CENPU: variants seen among roughly 807,000 people sequenced by gnomAD.
CENPU encodes KSHV latent nuclear antigen interacting protein 1.
In CENPU, 46 loss-of-function variants were observed where a neutral mutation model predicts 56.7. The observed-to-expected ratio is 0.81, with a 90% CI of 0.64 to 1.04. The LOEUF (loss-of-function observed/expected upper bound fraction) is 1.04. Ranked by LOEUF, CENPU falls within the 50% of genes least tolerant of loss-of-function variation. CENPU has a pLI of 0.00. For missense variants in CENPU, 510 were observed against 490.1 expected (o/e 1.04, Z -0.38); for synonymous variants, 166 against 163.0 (o/e 1.02, Z -0.14).
intron 8 of CENPU, among the ~76,000 whole-genome samples, chr4:184,705,171 C>A (rs1223698391): frequency 6.6e-6 from 1 of 152,112 alleles, no homozygotes. Flanking sequence ...CTGGAAACAA[C>A]CCAAATTCCT....
At chr4:184,702,204 G>A (rs1760558074) in intron 9 of CENPU, 68 bp from the exon 10 acceptor site, 1 of 1,308,818 alleles carries the variant, frequency 7.6e-7, no homozygotes, top group East Asian at 2.3e-5. Context: ...TTTCACATGT[G>A]TCACATTTAG....
At chr4:184,721,858 A>C (rs1321602488) in intron 4 of CENPU, among the ~76,000 whole-genome samples, 1 of 152,194 alleles carries the variant, frequency 6.6e-6, no homozygotes, top group Non-Finnish European at 1.5e-5. Context: ...ACAATCAATA[A>C]AGAAACAGCA....
chr4:184,712,882 G>A, intron 7 of CENPU, 62 bp downstream of exon 7: 1 of 1,104,372 alleles, frequency 9.1e-7, no homozygotes, highest in Non-Finnish European at 1.3e-6. Flanking sequence ...ATTAAGAATA[G>A]GGTCTTATTT....
chr4:184,703,962 G>A (rs1456324421), intron 8 of CENPU, among the ~76,000 whole-genome samples: 2 of 146,304 alleles, frequency 1.4e-5, no homozygotes, highest in African/African-American at 2.6e-5. Context: ...TTGTGGTGAT[G>A]CTGGTGTAAA....
Position 184,700,976 on chromosome 4 carries a change from A to G in CENPU, c.925-95T>C. The G allele has an allele frequency of 5.2e-6, 5 of 955,002 alleles. No homozygotes were observed. The South Asian group carries it at 6.7e-5, about 13-fold the overall frequency. The allele number at this position is 955,002 out of a possible 1,614,324, so 59.2% of individuals were successfully genotyped here. A position where few individuals can be genotyped will look rare whatever the true frequency, so the allele number is the denominator to read the frequency against. On this transcript the variant is annotated intron_variant, in intron 10 of 12. Coordinates refer to ENST00000281453, the MANE Select transcript of CENPU (RefSeq NM_024629.4). ...GTAATGAAGTGCAGTGGAAAACAAG[A>G]CAGACCCAGTTCTTACCATCACAGA...
chr4:184,711,883 G>A (rs1198239782), intron 7 of CENPU, among the ~76,000 whole-genome samples: 1 of 152,134 alleles, frequency 6.6e-6, no homozygotes, highest in African/African-American at 2.4e-5. Flanking sequence ...AGCACTTTGG[G>A]AGGCCAAGGC....
chr4:184,695,482 C>A (rs1294793229), intron 12 of CENPU, 81 bp from the exon 13 acceptor site: 2 of 891,400 alleles, frequency 2.2e-6, no homozygotes, highest in Non-Finnish European at 3.6e-6. Flanking sequence ...ATGACTAATG[C>A]AAATTTTGAT....
chr4:184,723,768 G>C (rs1041834775), intron 4 of CENPU, among the ~76,000 whole-genome samples: 2 of 147,450 alleles, frequency 1.4e-5, no homozygotes, highest in Non-Finnish European at 3.0e-5. Context: ...GCTTGAACCT[G>C]GGAGGCGGAG....
intron 3 of CENPU, 107 bp from the exon 4 acceptor site, chr4:184,725,169 C>CAA: frequency 1.2e-5 from 7 of 577,626 alleles, no homozygotes; most frequent in Non-Finnish European, 2.1e-5. Flanking sequence ...GTTCAACTAA[C>CAA]AAAATCAAAA....
chr4:184,731,071 C>A (rs67490338), intron 1 of CENPU, 103 bp from the exon 2 acceptor site: 35,863 of 110,392 alleles, frequency 0.32, 98 homozygotes, highest in East Asian at 0.49. Flanking sequence ...AAAAAAAAAA[C>A]AAGAACCCAT....
At chr4:184,728,060 A>G (rs961499180) in intron 3 of CENPU, among the ~76,000 whole-genome samples, 2 of 152,228 alleles carry the variant, frequency 1.3e-5, no homozygotes, top group Non-Finnish European at 2.9e-5. Context: ...TAGATAATGC[A>G]GACGGTTGTA....
In CENPU at chr4:184,721,477, AAG is replaced by A. The variant is rs1554012130; in HGVS notation, c.320+3478_320+3479del. On this transcript the variant is annotated intron_variant, in intron 4 of 12. Coordinates refer to ENST00000281453, the MANE Select transcript of CENPU (RefSeq NM_024629.4). ...GATTGTAAAAAAAAAAAAAAAAAAA[AAG>A]GACCCAATGATTTGTTGCCTACAAG... Among the ~76,000 whole-genome samples, 51 of 147,976 alleles carry A rather than the reference AAG, an allele frequency of 3.4e-4. 2 individuals carry two copies. Among genetic ancestry groups the A allele is most frequent in the Middle Eastern group, 3.4e-3 (1 of 294 alleles).
rs772310193 is a variant in CENPU, at chr4:184,699,651, CTCCT to C, written c.986+1165_986+1168del. 106 of 1,265,436 alleles carry C rather than the reference CTCCT, an allele frequency of 8.4e-5. 1 individual carries two copies. The South Asian group carries it at 1.2e-3, about 14-fold the overall frequency. 78.4% of individuals were successfully genotyped at this position (1,265,436 alleles called of 1,614,324 possible). A position where few individuals can be genotyped will look rare whatever the true frequency, so the allele number is the denominator to read the frequency against. On this transcript the variant is annotated intron_variant, in intron 11 of 12. Coordinates refer to ENST00000281453, the MANE Select transcript of CENPU (RefSeq NM_024629.4). ...AGACAACTGCTTTCTCCCACTTAAA[CTCCT>C]GTGGCAGTCTCTCTTTTTTTTTTGA... is the stretch of plus-strand genomic sequence containing the variant.
At chr4:184,733,410 T>C (rs776170665) in intron 1 of CENPU, 3 of 992,948 alleles carry the variant, frequency 3.0e-6, no homozygotes, top group Non-Finnish European at 3.6e-6. Flanking sequence ...TCCCGCCAGA[T>C]CCAGGCCGGG....
At chr4:184,703,489 A>C (rs1272180115) in intron 8 of CENPU, among the ~76,000 whole-genome samples, 1 of 152,214 alleles carries the variant, frequency 6.6e-6, no homozygotes, top group South Asian at 2.1e-4. Flanking sequence ...TTAAAAAAAA[A>C]CAAAACAACA....
intron 1 of CENPU, among the ~76,000 whole-genome samples, chr4:184,732,660 G>T (rs1327926076): frequency 6.6e-6 from 1 of 152,044 alleles, no homozygotes; most frequent in Non-Finnish European, 1.5e-5. Flanking sequence ...CCTTACGCTG[G>T]AGTCAAGGTG....
At chr4:184,721,945 C>T (rs1761293170) in intron 4 of CENPU, among the ~76,000 whole-genome samples, 2 of 152,236 alleles carry the variant, frequency 1.3e-5, no homozygotes, top group African/African-American at 4.8e-5. Flanking sequence ...GCAGAATACG[C>T]ATTCTTCTCC....
At chr4:184,727,946 G>C (rs1761514685) in intron 3 of CENPU, among the ~76,000 whole-genome samples, 1 of 152,210 alleles carries the variant, frequency 6.6e-6, no homozygotes, top group African/African-American at 2.4e-5. Flanking sequence ...AATCTGTAGA[G>C]ACAGGAAGGA....
In CENPU at chr4:184,695,199, C is replaced by A; in HGVS notation, c.*89G>T. The A allele has an allele frequency of 1.1e-6, 1 of 901,066 alleles. No homozygotes were observed. Among genetic ancestry groups the A allele is most frequent in the South Asian group, 1.4e-5 (1 of 70,466 alleles). The allele number at this position is 901,066 out of a possible 1,614,324, so 55.8% of individuals were successfully genotyped here. ...TTCTAAGTAGGCCATAACTTCTTTGCAAAACAATTGATTTATAAAGGTACA... is the reference window on the plus strand; with the variant it reads ...TTCTAAGTAGGCCATAACTTCTTTGAAAAACAATTGATTTATAAAGGTACA... On this transcript the variant is annotated 3_prime_UTR_variant, in exon 13 of 13. Coordinates refer to ENST00000281453, the MANE Select transcript of CENPU (RefSeq NM_024629.4).
Sources: allele counts gnomAD v4.1 joint callset (sites outside exome capture counted in the v4.1 genomes callset), GRCh38; gene constraint gnomAD v4.1.1; transcripts MANE v1.5; gene names NCBI Gene and HGNC (gene_info 2026-07-23, HGNC 2026-07-21).